The following PLEKHA7 variants were observed in gnomAD, a reference collection of about 807,000 sequenced individuals.
PLEKHA7 encodes the protein pleckstrin homology domain-containing family A member 7.
Under a neutral mutation model 170.0 loss-of-function variants are expected in PLEKHA7, and 104 were observed. The observed-to-expected ratio is 0.61, with a 90% CI of 0.52 to 0.72. The LOEUF is 0.72. PLEKHA7 is among the 30% of genes least tolerant of loss of function. The pLI is 0.00. For missense variants in PLEKHA7, 1,615 were observed against 1,671.7 expected (o/e 0.97, Z 0.59); for synonymous variants, 648 against 660.8 (o/e 0.98, Z 0.30).
intron 4 of PLEKHA7, among the ~76,000 whole-genome samples, chr11:16,863,131 T>C (rs373858554): frequency 6.6e-6 from 1 of 152,232 alleles, no homozygotes; most frequent in East Asian, 1.9e-4. Context: ...CAGCAAGTGA[T>C]ACCCCGCCCC....
chr11:16,845,940 T>C (rs1262665525), intron 8 of PLEKHA7, among the ~76,000 whole-genome samples: 1 of 151,942 alleles, frequency 6.6e-6, no homozygotes, highest in Non-Finnish European at 1.5e-5. Context: ...GTATAAAGGA[T>C]AAGAGTCTCA....
chr11:16,813,098 C>G lies in PLEKHA7; in HGVS notation c.2007+15G>C. On this transcript the variant is annotated intron_variant, in intron 13 of 26. Coordinates refer to ENST00000531066, the MANE Select transcript of PLEKHA7 (RefSeq NM_001329630.2). ...GTGAGTATGCAAGGAAGGCAGGAAC[C>G]CTGATGTCACTTACCTTTAGATCCA... 1.2e-6 allele frequency: 2 copies of G among 1,611,132 alleles called. No individual in the cohort carries two copies. Among genetic ancestry groups the G allele is most frequent in the Non-Finnish European group, 1.7e-6 (2 of 1,177,454 alleles).
At chr11:16,929,083 G>A (rs1859753235) in intron 3 of PLEKHA7, among the ~76,000 whole-genome samples, 2 of 152,032 alleles carry the variant, frequency 1.3e-5, no homozygotes, top group African/African-American at 4.8e-5. Context: ...AAAAACAACT[G>A]CATTTAAAAA....
rs1389706138 is a variant in PLEKHA7 at position 16,777,652 on chromosome 11, T to C, written c.*1346A>G. The C allele has an allele frequency of 6.6e-6, 1 of 152,214 alleles. No individual in the cohort carries two copies. 9.4% of individuals were successfully genotyped at this position (152,214 alleles called of 1,614,324 possible). ...GAATAATATAAGAAAACAACTTAAA[T>C]AAAGGGCCACAAACACTGCACCTGG... On this transcript the variant is annotated 3_prime_UTR_variant, in exon 27 of 27. Coordinates refer to ENST00000531066, the MANE Select transcript of PLEKHA7 (RefSeq NM_001329630.2).
intron 3 of PLEKHA7, among the ~76,000 whole-genome samples, chr11:16,886,170 T>TA (rs1216039477): frequency 2.0e-5 from 3 of 152,132 alleles, no homozygotes; most frequent in Admixed American, 6.5e-5. Context: ...AAGAGGCCAC[T>TA]GGCAGTAGGC....
intron 13 of PLEKHA7, among the ~76,000 whole-genome samples, chr11:16,808,993 A>G (rs768960447): frequency 3.3e-5 from 5 of 152,226 alleles, no homozygotes; most frequent in South Asian, 2.1e-4. Flanking sequence ...TAAAAAAGGG[A>G]TAATAATTCA....
chr11:16,950,061 G>C (rs1380613536), intron 3 of PLEKHA7, among the ~76,000 whole-genome samples: 1 of 134,440 alleles, frequency 7.4e-6, no homozygotes, highest in Non-Finnish European at 1.6e-5. Flanking sequence ...GGGGAGTGAA[G>C]GCAGAGTAAA....
intron 17 of PLEKHA7, chr11:16,795,258 A>C: frequency 2.0e-6 from 1 of 502,532 alleles, no homozygotes; most frequent in Non-Finnish European, 3.6e-6. Flanking sequence ...TGCCTACCTA[A>C]TTTAAAAACA....
chr11:16,833,433 G>A (rs981257573), intron 9 of PLEKHA7, among the ~76,000 whole-genome samples: 1 of 152,174 alleles, frequency 6.6e-6, no homozygotes, highest in South Asian at 2.1e-4. Context: ...CCTGCCTGAA[G>A]AATCCTTCTC....
intron 9 of PLEKHA7, among the ~76,000 whole-genome samples, chr11:16,830,154 T>A (rs886360246): frequency 2.8e-5 from 3 of 106,518 alleles, no homozygotes; most frequent in Admixed American, 9.5e-5. Context: ...AATTTTTAAT[T>A]TTTTTTTTTT....
At chr11:16,906,273 A>AGGAG (rs1554968173) in intron 3 of PLEKHA7, among the ~76,000 whole-genome samples, 2 of 116,052 alleles carry the variant, frequency 1.7e-5, no homozygotes, top group African/African-American at 6.8e-5. Flanking sequence ...GAAGGAAGGA[A>AGGAG]GGAAGGAAAG....
At position 16,789,866 on chromosome 11, in the gene PLEKHA7, G is replaced by C. The variant is rs780752753; in HGVS notation, c.3065C>G (p.Ser1022Cys). The stretch of plus-strand genomic sequence containing the variant: ...GGACGACTGCTGGAGCCTTGACGTG[G>C]ACCCTGAGAGCCCTTAGTGAGGAAA... Reference protein sequence around the residue: ...QTLPGRGLSGSTSRLQQSSTI... With the variant: ...QTLPGRGLSGCTSRLQQSSTI... The change falls in exon 22 of 27, where the codon TCC (serine) becomes TGC (cysteine). Residue 1022 changes from serine to cysteine, a missense_variant. Coordinates refer to ENST00000531066, the MANE Select transcript of PLEKHA7 (RefSeq NM_001329630.2). The surrounding 1 kb of genome is among the most constrained non-coding windows in gnomAD (Gnocchi z 4.6). 6.2e-7 allele frequency: 1 copy of C among 1,614,056 alleles called. No homozygotes were observed. Among genetic ancestry groups the C allele is most frequent in the Non-Finnish European group, 8.5e-7 (1 of 1,179,912 alleles).
intron 9 of PLEKHA7, among the ~76,000 whole-genome samples, chr11:16,831,813 A>G (rs1037261648): frequency 6.6e-6 from 1 of 152,242 alleles, no homozygotes; most frequent in African/African-American, 2.4e-5. Context: ...GAAACAGCAC[A>G]GCACAGTGTC....
chr11:16,896,557 T>A (rs1241494351), intron 3 of PLEKHA7, among the ~76,000 whole-genome samples: 1 of 152,166 alleles, frequency 6.6e-6, no homozygotes, highest in Admixed American at 6.5e-5. Flanking sequence ...AGCCACTCAG[T>A]AGAATGGCTG....
intron 3 of PLEKHA7, among the ~76,000 whole-genome samples, chr11:16,972,453 C>T (rs1862781273): frequency 6.6e-6 from 1 of 151,554 alleles, no homozygotes; most frequent in Non-Finnish European, 1.5e-5. Flanking sequence ...TCTCTGTTGC[C>T]CAGGCTGGAG....
intron 3 of PLEKHA7, among the ~76,000 whole-genome samples, chr11:16,889,524 C>T (rs1423864863): frequency 1.3e-5 from 2 of 148,906 alleles, no homozygotes; most frequent in East Asian, 3.9e-4. Flanking sequence ...ATCACCTGAG[C>T]TTGCAAAGTT....
At chr11:16,897,293 G>C (rs1019030180) in intron 3 of PLEKHA7, among the ~76,000 whole-genome samples, 1 of 152,186 alleles carries the variant, frequency 6.6e-6, no homozygotes, top group Admixed American at 6.5e-5. Flanking sequence ...ACATCCAGGT[G>C]GGGGCGAGAG....
intron 3 of PLEKHA7, among the ~76,000 whole-genome samples, chr11:16,954,606 T>C (rs1444127962): frequency 6.6e-6 from 1 of 151,636 alleles, no homozygotes; most frequent in Non-Finnish European, 1.5e-5. Flanking sequence ...TCACAGAAAT[T>C]ATTCAAATAA....
chr11:16,839,846 G>A (rs993455445), intron 9 of PLEKHA7, among the ~76,000 whole-genome samples: 2 of 152,050 alleles, frequency 1.3e-5, no homozygotes, highest in Non-Finnish European at 2.9e-5. Flanking sequence ...TACATATACT[G>A]TAAACATATA....
Sources: gnomAD v4.1 joint callset for allele counts (sites outside exome capture counted in the v4.1 genomes callset) on GRCh38, gnomAD v4.1.1 for gene constraint, Gnocchi (gnomAD v3.1) non-coding constraint, MANE v1.5 for transcripts, NCBI Gene and HGNC (gene_info 2026-07-23, HGNC 2026-07-21) for gene names.